The following EPHB2 variants were observed in gnomAD, a reference collection of about 807,000 sequenced individuals.
EPHB2 encodes the protein EPH receptor B2, also known as ephrin type-B receptor 2.
Under a neutral mutation model 96.4 loss-of-function variants are expected in EPHB2, and 18 were observed. The ratio of observed to expected loss-of-function variants is 0.19; its 90% CI spans 0.13 to 0.28. The LOEUF is 0.28. EPHB2 is among the 10% of genes least tolerant of loss of function. EPHB2 has a pLI of 1.00. For synonymous variants in EPHB2, 506 were observed against 534.1 expected (o/e 0.95, Z 0.72); for missense variants, 989 against 1,355.4 (o/e 0.73, Z 4.25).
intron 1 of EPHB2, among the ~76,000 whole-genome samples, chr1:22,765,422 C>T (rs1361139804): frequency 6.6e-6 from 1 of 151,958 alleles, no homozygotes; most frequent in East Asian, 1.9e-4. Flanking sequence ...TGGCGGGCAC[C>T]TGTAATCCCA....
At chr1:22,721,618 TC>T (rs1401934086) in intron 1 of EPHB2, among the ~76,000 whole-genome samples, 1 of 152,164 alleles carries the variant, frequency 6.6e-6, no homozygotes, top group Admixed American at 6.5e-5. Context: ...TTCTTTTTTT[TC>T]CTCTCTCTTT....
intron 3 of EPHB2, among the ~76,000 whole-genome samples, chr1:22,831,241 T>A (rs1299008838): frequency 6.6e-6 from 1 of 152,130 alleles, no homozygotes; most frequent in Non-Finnish European, 1.5e-5. Context: ...GTGATTTATA[T>A]AGGGCAACTT....
chr1:22,827,605 G>A lies in EPHB2; in HGVS notation c.812-35432G>A, dbSNP rs79175447. Among the ~76,000 whole-genome samples the A allele has an allele frequency of 7.7e-3, 1,179 of 152,326 alleles. 11 individuals are homozygous for A. Among genetic ancestry groups the A allele is most frequent in the African/African-American group, 0.027 (1,121 of 41,572 alleles). On this transcript the variant is annotated intron_variant, in intron 3 of 15. Coordinates refer to ENST00000374630, the MANE Select transcript of EPHB2 (RefSeq NM_017449.5). Reference sequence around the variant, plus strand: ...AATGGGTAATGATGGCACTTACCTCGTGAGGTCACTGTGAAGACTTAATTT... The same window carrying A: ...AATGGGTAATGATGGCACTTACCTCATGAGGTCACTGTGAAGACTTAATTT...
At chr1:22,718,069 G>A (rs1465326246) in intron 1 of EPHB2, among the ~76,000 whole-genome samples, 1 of 152,124 alleles carries the variant, frequency 6.6e-6, no homozygotes, top group Non-Finnish European at 1.5e-5. Context: ...CTACCAATGG[G>A]AAGCTCAATT....
intron 3 of EPHB2, among the ~76,000 whole-genome samples, chr1:22,796,729 C>T (rs912973733): frequency 1.3e-5 from 2 of 152,220 alleles, no homozygotes; most frequent in South Asian, 4.1e-4. Flanking sequence ...TTGTAAGTAA[C>T]AGAATAAGAA....
chr1:22,853,310 G>T (rs753259138), intron 3 of EPHB2, among the ~76,000 whole-genome samples: 2 of 152,242 alleles, frequency 1.3e-5, no homozygotes, highest in Non-Finnish European at 2.9e-5. Context: ...CCAAGATCGC[G>T]CCGCTGCACT....
At chr1:22,895,955 G>A (rs934011006) in intron 8 of EPHB2, among the ~76,000 whole-genome samples, 2 of 152,238 alleles carry the variant, frequency 1.3e-5, no homozygotes, top group Non-Finnish European at 2.9e-5. Context: ...GGAAAGACAG[G>A]GAGGACTTAG....
At chr1:22,744,049 G>A (rs192464537) in intron 1 of EPHB2, among the ~76,000 whole-genome samples, 91 of 152,202 alleles carry the variant, frequency 6.0e-4, no homozygotes, top group African/African-American at 1.9e-3. Context: ...GTACTAAAAA[G>A]AATCAGATCA....
chr1:22,858,878 T>C lies in EPHB2; in HGVS notation c.812-4159T>C, dbSNP rs1399773266. On this transcript the variant is annotated intron_variant, in intron 3 of 15. Transcript: ENST00000374630. This position sits in a 1 kb window ranked among gnomAD's most constrained non-coding sequence, Gnocchi z 7.7. ...GCTCGATCCCCTTCCAGCCCCTCAT[T>C]CATCCACCCATCACCCACTAGAAAC... is the stretch of plus-strand genomic sequence containing the variant. Among the ~76,000 whole-genome samples, 1 of 152,170 alleles carries C rather than the reference T, an allele frequency of 6.6e-6. No individual in the cohort carries two copies. Among genetic ancestry groups the C allele is most frequent in the Non-Finnish European group, 1.5e-5 (1 of 68,034 alleles).
At chr1:22,764,146 G>C (rs184261845) in intron 1 of EPHB2, among the ~76,000 whole-genome samples, 1 of 152,188 alleles carries the variant, frequency 6.6e-6, no homozygotes, top group Non-Finnish European at 1.5e-5. Flanking sequence ...ACATTATTCT[G>C]TCTCCCATAG....
At chr1:22,832,709 C>G (rs1185703241) in intron 3 of EPHB2, among the ~76,000 whole-genome samples, 1 of 152,200 alleles carries the variant, frequency 6.6e-6, no homozygotes, top group East Asian at 1.9e-4. Context: ...TTCCCACAAC[C>G]TTTGAGACAT....
intron 1 of EPHB2, among the ~76,000 whole-genome samples, chr1:22,745,895 C>A (rs1472629418): frequency 6.6e-6 from 1 of 152,194 alleles, no homozygotes; most frequent in African/African-American, 2.4e-5. Context: ...TGACAATCTG[C>A]AGCTTATCTT....
At chr1:22,867,018 G>A (rs1244810092) in intron 5 of EPHB2, among the ~76,000 whole-genome samples, 1 of 152,172 alleles carries the variant, frequency 6.6e-6, no homozygotes, top group Non-Finnish European at 1.5e-5. Flanking sequence ...CATCCTTGTG[G>A]CCTCTCTGAG....
At chr1:22,754,834 G>A (rs1249846767) in intron 1 of EPHB2, among the ~76,000 whole-genome samples, 2 of 101,822 alleles carry the variant, frequency 2.0e-5, no homozygotes, top group Non-Finnish European at 2.3e-5. Flanking sequence ...GTGAGGGGCA[G>A]GGGAGGGGAG....
At chr1:22,726,707 C>T (rs539194694) in intron 1 of EPHB2, among the ~76,000 whole-genome samples, 116 of 152,286 alleles carry the variant, frequency 7.6e-4, no homozygotes, top group Middle Eastern at 3.4e-3. Flanking sequence ...CAGGTGTGAG[C>T]TACCATGCCC....
intron 3 of EPHB2, among the ~76,000 whole-genome samples, chr1:22,817,957 T>C (rs1645097307): frequency 6.6e-6 from 1 of 152,150 alleles, no homozygotes; most frequent in East Asian, 1.9e-4. Flanking sequence ...GCTGTGGAAC[T>C]GCTGAATGGG....
intron 3 of EPHB2, among the ~76,000 whole-genome samples, chr1:22,785,321 C>T (rs1644596004): frequency 6.6e-6 from 1 of 152,238 alleles, no homozygotes; most frequent in Non-Finnish European, 1.5e-5. Flanking sequence ...TGGGTTGGCA[C>T]AGGATAAAGG....
At chr1:22,742,295 T>G (rs1643913869) in intron 1 of EPHB2, among the ~76,000 whole-genome samples, 1 of 152,106 alleles carries the variant, frequency 6.6e-6, no homozygotes, top group Non-Finnish European at 1.5e-5. Context: ...TAGAGAGCCC[T>G]GTCTTCTGCA....
intron 2 of EPHB2, among the ~76,000 whole-genome samples, chr1:22,783,021 T>C (rs1432024980): frequency 6.6e-6 from 1 of 152,176 alleles, no homozygotes; most frequent in Non-Finnish European, 1.5e-5. Context: ...CACAGTCACA[T>C]TTGGCAACTG....
Sources: gnomAD v4.1 joint callset for allele counts (sites outside exome capture counted in the v4.1 genomes callset) on GRCh38, gnomAD v4.1.1 for gene constraint, Gnocchi (gnomAD v3.1) non-coding constraint, MANE v1.5 for transcripts, NCBI Gene and HGNC (gene_info 2026-07-23, HGNC 2026-07-21) for gene names.